Variants in DHX35 observed in about 807,000 individuals in gnomAD.
DHX35 encodes DEAH-box helicase 35, also known as probable ATP-dependent RNA helicase DHX35.
DHX35 carries 84 observed loss-of-function variants against 99.6 expected under a neutral mutation model. The observed-to-expected ratio is 0.84, with a 90% CI of 0.71 to 1.01. The LOEUF (loss-of-function observed/expected upper bound fraction) is 1.01, where lower values mean the gene tolerates loss of function less well. Ranked by LOEUF, DHX35 falls within the 50% of genes least tolerant of loss-of-function variation. The pLI is 0.00. For missense variants in DHX35, 852 were observed against 888.5 expected (o/e 0.96, Z 0.52); for synonymous variants, 331 against 316.2 (o/e 1.05, Z -0.50).
chr20:38,962,538 T>G (rs1335135829), intron 1 of DHX35, 131 bp downstream of exon 1: 27 of 1,184,062 alleles, frequency 2.3e-5, no homozygotes, highest in Non-Finnish European at 3.0e-5. Context: ...GCCGCCTCTG[T>G]GCGGGGGGAG....
At chr20:39,000,006 G>C (rs2086492873) in intron 8 of DHX35, among the ~76,000 whole-genome samples, 1 of 152,236 alleles carries the variant, frequency 6.6e-6, no homozygotes, top group African/African-American at 2.4e-5. Flanking sequence ...AGGGTGGATA[G>C]CAGTTTGTCC....
At chr20:38,996,713 G>A (rs1315129074) in intron 8 of DHX35, among the ~76,000 whole-genome samples, 1 of 152,142 alleles carries the variant, frequency 6.6e-6, no homozygotes, top group Non-Finnish European at 1.5e-5. Context: ...CATAGCGAAG[G>A]TAAATGTCCA....
rs369901412 is a variant in DHX35 at position 39,038,691 on chromosome 20, C to G, written c.*148C>G. 1.4e-6 allele frequency: 1 copy of G among 727,652 alleles called. No individual in the cohort carries two copies. Among genetic ancestry groups the G allele is most frequent in the African/African-American group, 1.8e-5 (1 of 56,328 alleles). 45.1% of individuals were successfully genotyped at this position (727,652 alleles called of 1,614,324 possible). A position where few individuals can be genotyped will look rare whatever the true frequency, so the allele number is the denominator to read the frequency against. On this transcript the variant is annotated 3_prime_UTR_variant, in exon 22 of 22. Transcript: ENST00000252011. Reference sequence around the variant, plus strand: ...GCTGCGGCCTGTTCATTAGTCCTTTCTTCCCGCTGCCCACAGCATTTGCAT... The same window carrying G: ...GCTGCGGCCTGTTCATTAGTCCTTTGTTCCCGCTGCCCACAGCATTTGCAT...
At chr20:39,030,381 C>A in intron 19 of DHX35, 1 of 299,200 alleles carries the variant, frequency 3.3e-6, no homozygotes, top group Non-Finnish European at 6.3e-6. Context: ...GTATTATTTC[C>A]ATTCCAAAGG....
intron 8 of DHX35, among the ~76,000 whole-genome samples, chr20:38,998,786 A>G (rs1432786922): frequency 6.6e-6 from 1 of 152,172 alleles, no homozygotes; most frequent in East Asian, 1.9e-4. Context: ...CTTCTCAGTA[A>G]ATGCTGAGTC....
intron 15 of DHX35, among the ~76,000 whole-genome samples, chr20:39,020,912 C>G (rs2086862945): frequency 6.6e-6 from 1 of 152,174 alleles, no homozygotes; most frequent in South Asian, 2.1e-4. Flanking sequence ...ATCTGCCCGC[C>G]TTGGCCTCCC....
Position 39,006,134 on chromosome 20 carries a change from T to C in DHX35, c.1012-12T>C. 6.2e-7 allele frequency: 1 copy of C among 1,604,410 alleles called. No individual in the cohort carries two copies. The highest frequency in any genetic ancestry group is 8.5e-7 in the Non-Finnish European group (1 of 1,171,968). On this transcript the variant is annotated splice_polypyrimidine_tract_variant and intron_variant, in intron 11 of 21. Transcript: ENST00000252011. ...AAAATGAGTTTTATTCTTCTTTCTG[T>C]GGGGAACGTAGGTGATAGTGGCCAC...
At chr20:39,026,943 C>T (rs1011980254) in intron 18 of DHX35, among the ~76,000 whole-genome samples, 1 of 152,010 alleles carries the variant, frequency 6.6e-6, no homozygotes, top group Non-Finnish European at 1.5e-5. Flanking sequence ...ATTATCAGAC[C>T]CCTGCCCAGG....
chr20:39,023,673 T>C lies in DHX35; in HGVS notation c.1594-17T>C. On this transcript the variant is annotated splice_polypyrimidine_tract_variant and intron_variant, in intron 16 of 21. Transcript: ENST00000252011. The stretch of plus-strand genomic sequence containing the variant: ...CAGCAAAGAGTGAAATTCTGAATGT[T>C]GCTTCATTCTTTCCAGATTCGAGTG... 1.2e-6 allele frequency: 2 copies of C among 1,612,650 alleles called. No homozygotes were observed. Among genetic ancestry groups the C allele is most frequent in the South Asian group, 2.2e-5 (2 of 91,048 alleles).
At chr20:38,973,794 C>T (rs2086036957) in intron 3 of DHX35, among the ~76,000 whole-genome samples, 1 of 152,212 alleles carries the variant, frequency 6.6e-6, no homozygotes, top group African/African-American at 2.4e-5. Context: ...TTTCAGGCTA[C>T]CACACAGGGT....
intron 3 of DHX35, chr20:38,978,207 A>C (rs1215110678): frequency 1.9e-6 from 2 of 1,053,122 alleles, no homozygotes; most frequent in Non-Finnish European, 2.9e-6. Flanking sequence ...GTGTTACTTT[A>C]ATTGGACTGC....
chr20:39,035,497 G>T (rs899098225), intron 21 of DHX35, among the ~76,000 whole-genome samples: 1 of 152,174 alleles, frequency 6.6e-6, no homozygotes, highest in Admixed American at 6.5e-5. Flanking sequence ...CTCCATTAGG[G>T]CCAGAATTGG....
intron 8 of DHX35, among the ~76,000 whole-genome samples, chr20:38,996,697 G>A (rs916366324): frequency 2.6e-5 from 4 of 152,268 alleles, no homozygotes; most frequent in African/African-American, 7.2e-5. Flanking sequence ...GAGAGAGAAA[G>A]CTTACCATAG....
chr20:38,976,063 T>C (rs1040545806), intron 3 of DHX35, among the ~76,000 whole-genome samples: 6 of 152,176 alleles, frequency 3.9e-5, no homozygotes, highest in Non-Finnish European at 8.8e-5. Flanking sequence ...CAGGGAAAGC[T>C]GGTGGGAAGG....
rs544701330 is a variant in DHX35, at chr20:39,014,753, A to G, written c.1348-127A>G. The G allele has an allele frequency of 3.3e-5, 39 of 1,172,032 alleles. No individual in the cohort carries two copies. In the African/African-American group the frequency reaches 3.9e-4, roughly 12 times the overall value. 72.6% of individuals were successfully genotyped at this position (1,172,032 alleles called of 1,614,324 possible). ...TTCAAGAGGTGCCAACAGCAAGAAC[A>G]GAAACATGGAGGCTGGGAAGAATGG... On this transcript the variant is annotated intron_variant, in intron 13 of 21. Coordinates refer to ENST00000252011, the MANE Select transcript of DHX35 (RefSeq NM_021931.4).
chr20:39,002,020 A>G (rs2086528643), intron 9 of DHX35, among the ~76,000 whole-genome samples, 178 bp downstream of exon 9: 1 of 152,156 alleles, frequency 6.6e-6, no homozygotes, highest in African/African-American at 2.4e-5. Flanking sequence ...TTTAGTTTAA[A>G]CTGTTCACAC....
chr20:38,970,073 A>ATCTG (rs370046590), intron 2 of DHX35, among the ~76,000 whole-genome samples: 2,256 of 151,988 alleles, frequency 0.015, 59 homozygotes, highest in African/African-American at 0.05. Context: ...TGTTCTATCT[A>ATCTG]TCTGTCTGTC....
At chr20:39,004,576 T>C (rs1352761474) in intron 11 of DHX35, among the ~76,000 whole-genome samples, 1 of 152,234 alleles carries the variant, frequency 6.6e-6, no homozygotes, top group African/African-American at 2.4e-5. Flanking sequence ...GTTTTAAGTA[T>C]CAGCTTGCCT....
chr20:39,010,480 G>T, intron 13 of DHX35, 76 bp downstream of exon 13: 1 of 1,563,600 alleles, frequency 6.4e-7, no homozygotes, highest in Non-Finnish European at 8.7e-7. Flanking sequence ...TTGTCGTAGG[G>T]CATGCCATCT....
Sources: gnomAD v4.1 joint callset for allele counts (sites outside exome capture counted in the v4.1 genomes callset) on GRCh38, gnomAD v4.1.1 for gene constraint, MANE v1.5 for transcripts, NCBI Gene and HGNC (gene_info 2026-07-23, HGNC 2026-07-21) for gene names.